Variants in RIN2 observed in about 807,000 individuals in gnomAD.
RIN2 encodes RAB5 interacting protein 2.
A neutral mutation model predicts 78.0 loss-of-function variants in RIN2; 36 were observed. The observed-to-expected ratio is 0.46, with a 90% CI of 0.35 to 0.61. The LOEUF (loss-of-function observed/expected upper bound fraction) is 0.61. Among genes scored for constraint, RIN2 ranks in the 20% least tolerant of loss-of-function variants. The pLI is 0.00. For missense variants in RIN2, 1,087 were observed against 1,159.7 expected (o/e 0.94, Z 0.91); for synonymous variants, 466 against 466.8 (o/e 1.00, Z 0.02).
At chr20:19,818,116 A>G (rs763435991) in intron 2 of RIN2, among the ~76,000 whole-genome samples, 33 of 152,218 alleles carry the variant, frequency 2.2e-4, no homozygotes, top group Non-Finnish European at 3.1e-4. Flanking sequence ...TGTACTGAAT[A>G]CCATCAGGCA....
At chr20:19,789,673 C>T (rs1022385752) in intron 1 of RIN2, among the ~76,000 whole-genome samples, 1 of 152,160 alleles carries the variant, frequency 6.6e-6, no homozygotes, top group Admixed American at 6.5e-5. Flanking sequence ...CCCATGGGGT[C>T]GTAGGACTCT....
At chr20:19,917,141 G>C (rs1381410911) in intron 3 of RIN2, among the ~76,000 whole-genome samples, 2 of 151,048 alleles carry the variant, frequency 1.3e-5, no homozygotes, top group Admixed American at 1.3e-4. Context: ...GAGTGGGTAA[G>C]GTACGACTCC....
chr20:19,938,479 C>T (rs1168238609), intron 4 of RIN2, among the ~76,000 whole-genome samples: 1 of 152,124 alleles, frequency 6.6e-6, no homozygotes, highest in African/African-American at 2.4e-5. Context: ...CCCACCTCAG[C>T]CTCCCAAATT....
chr20:19,925,729 A>T (rs1327890732), intron 3 of RIN2, among the ~76,000 whole-genome samples: 1 of 152,258 alleles, frequency 6.6e-6, no homozygotes, highest in Non-Finnish European at 1.5e-5. Flanking sequence ...TAAATGTTTG[A>T]TAATATCAAT....
rs774880656 is a variant in RIN2, at chr20:19,975,104, G to A, written c.1079G>A (p.Arg360Gln). The change falls in exon 9 of 13, where the codon CGG becomes CAG. Residue 360 changes from arginine to glutamine, a missense_variant. Physicochemically the swap from Arg to Gln is conservative, Grantham distance 43. This residue lies in a region of RIN2 where 706 missense variants were observed against 667.5 expected (regional missense o/e 1.06). Transcript: ENST00000255006. The surrounding 1 kb of genome is among the most constrained non-coding windows in gnomAD (Gnocchi z 4.9). The stretch of plus-strand genomic sequence containing the variant: ...AAACCAACTCCCATCCCTCCACCCC[G>A]GCTGAAGAAGCAGGCTTCTTTTCTG... Reference protein sequence around the residue: ...GTKPTPIPPPRLKKQASFLEA... With the variant: ...GTKPTPIPPPQLKKQASFLEA... 10 of 1,613,260 alleles carry A rather than the reference G, an allele frequency of 6.2e-6. No individual in the cohort carries two copies. Among genetic ancestry groups the A allele is most frequent in the Non-Finnish European group, 8.5e-6 (10 of 1,179,870 alleles).
At chr20:19,914,951 G>C (rs964482541) in intron 3 of RIN2, among the ~76,000 whole-genome samples, 1 of 152,292 alleles carries the variant, frequency 6.6e-6, no homozygotes. Flanking sequence ...ACCTCAATGA[G>C]AGCAGAACAG....
chr20:19,894,968 C>T (rs552792039), intron 3 of RIN2, among the ~76,000 whole-genome samples: 9 of 152,184 alleles, frequency 5.9e-5, no homozygotes, highest in South Asian at 4.2e-4. Context: ...CTTCCTCCAC[C>T]GGTCCTGCCT....
rs79470347 is a variant in RIN2 at position 19,758,541 on chromosome 20, G to C, written c.-163+214G>C. 5.5e-3 allele frequency among the ~76,000 whole-genome samples: 839 copies of C among 152,296 alleles called. 5 individuals are homozygous for C. Among genetic ancestry groups the C allele is most frequent in the African/African-American group, 0.019 (810 of 41,564 alleles). On this transcript the variant is annotated intron_variant, in intron 1 of 12. Coordinates refer to ENST00000255006, the MANE Select transcript of RIN2 (RefSeq NM_018993.4). ...AGGGGGAAGGGGGATCAGGGAGTGGGGACAAGGGGCAGAGTGACATTCCGG... is the reference window on the plus strand; with the variant it reads ...AGGGGGAAGGGGGATCAGGGAGTGGCGACAAGGGGCAGAGTGACATTCCGG...
intron 3 of RIN2, among the ~76,000 whole-genome samples, chr20:19,910,149 A>G (rs906790411): frequency 6.6e-6 from 1 of 152,110 alleles, no homozygotes. Context: ...GTGTACATTA[A>G]TTTTTTATTT....
intron 2 of RIN2, among the ~76,000 whole-genome samples, chr20:19,860,237 G>A (rs1030144911): frequency 6.6e-6 from 1 of 152,192 alleles, no homozygotes; most frequent in Non-Finnish European, 1.5e-5. Context: ...GTCAGAAATG[G>A]AACTCCTGAC....
intron 2 of RIN2, chr20:19,886,577 A>G: frequency 1.4e-6 from 1 of 708,238 alleles, no homozygotes; most frequent in East Asian, 2.7e-5. Flanking sequence ...CAGTGTCCTT[A>G]GTCCTATGAG....
intron 3 of RIN2, among the ~76,000 whole-genome samples, chr20:19,908,840 G>A (rs551902247): frequency 3.9e-5 from 6 of 152,136 alleles, no homozygotes; most frequent in Admixed American, 2.0e-4. Context: ...AAAAATACAC[G>A]TGGAACACCA....
intron 2 of RIN2, among the ~76,000 whole-genome samples, chr20:19,800,354 C>T (rs1188924780): frequency 2.0e-5 from 3 of 152,142 alleles, no homozygotes; most frequent in Non-Finnish European, 4.4e-5. Flanking sequence ...AGTCATGGCT[C>T]CTCCAAAACC....
chr20:19,877,791 G>A (rs531611486), intron 2 of RIN2, among the ~76,000 whole-genome samples: 1 of 152,068 alleles, frequency 6.6e-6, no homozygotes, highest in Non-Finnish European at 1.5e-5. Context: ...GGCTGAGGTG[G>A]GAGGATCGCT....
intron 1 of RIN2, among the ~76,000 whole-genome samples, chr20:19,775,758 G>T (rs1432746650): frequency 6.6e-6 from 1 of 152,214 alleles, no homozygotes; most frequent in Non-Finnish European, 1.5e-5. Context: ...AAACTCCTAA[G>T]TGCCAAGCTG....
intron 3 of RIN2, among the ~76,000 whole-genome samples, chr20:19,911,908 G>T (rs6112656): frequency 0.012 from 1,903 of 152,268 alleles, 45 homozygotes; most frequent in African/African-American, 0.042. Flanking sequence ...AATCGCGTGG[G>T]TGAGCCCAGC....
intron 11 of RIN2, among the ~76,000 whole-genome samples, chr20:19,996,256 G>A (rs2146416537): frequency 6.6e-6 from 1 of 152,318 alleles, no homozygotes; most frequent in East Asian, 1.9e-4. Context: ...GGAGGTTGCA[G>A]TGAGCTGAGA....
At position 19,850,998 on chromosome 20, in the gene RIN2, GA is replaced by G. The variant is rs2036942882; in HGVS notation, c.-36-38566del. Reference sequence around the variant, plus strand: ...AAAAAAAGAAAGGGAGAAAAGGAAGGAAGGAAGGAAGGAAGGAAGGAAGGAA... The same window carrying G: ...AAAAAAAGAAAGGGAGAAAAGGAAGGAGGAAGGAAGGAAGGAAGGAAGGAA... On this transcript the variant is annotated intron_variant, in intron 2 of 12. Coordinates refer to ENST00000255006, the MANE Select transcript of RIN2 (RefSeq NM_018993.4). Among the ~76,000 whole-genome samples the G allele has an allele frequency of 2.2e-4, 4 of 18,464 alleles. No individual in the cohort carries two copies. The South Asian group carries it at 9.9e-3, about 46-fold the overall frequency. 12.1% of individuals were successfully genotyped at this position (18,464 alleles called of 152,430 possible).
At chr20:19,778,458 G>T (rs189252579) in intron 1 of RIN2, among the ~76,000 whole-genome samples, 169 of 152,304 alleles carry the variant, frequency 1.1e-3, no homozygotes, top group Non-Finnish European at 2.1e-3. Flanking sequence ...ACAGTTTTGT[G>T]GGGTGAATGC....
Sources: allele counts gnomAD v4.1 joint callset (sites outside exome capture counted in the v4.1 genomes callset), GRCh38; gene constraint gnomAD v4.1.1; regional missense constraint gnomAD v4.1.1; non-coding constraint Gnocchi (gnomAD v3.1); transcripts MANE v1.5; gene names NCBI Gene and HGNC (gene_info 2026-07-23, HGNC 2026-07-21).